EIF4G3: variants seen among roughly 807,000 people sequenced by gnomAD.
EIF4G3 encodes eukaryotic translation initiation factor 4 gamma 3, also known as eIF-4-gamma 3.
EIF4G3 carries 34 observed loss-of-function variants against 186.4 expected under a neutral mutation model. The observed-to-expected ratio is 0.18, with a 90% confidence interval of 0.14 to 0.24. The LOEUF is 0.24. EIF4G3 is among the 10% of genes least tolerant of loss of function. The pLI is 1.00. For synonymous variants in EIF4G3, 673 were observed against 679.5 expected, an observed-to-expected ratio of 0.99 and a Z score of 0.15; for missense variants, 1,536 against 1,948.5, an observed-to-expected ratio of 0.79 and a Z score of 3.99.
intron 20 of EIF4G3, 62 bp downstream of exon 20, chr1:20,879,261 T>G (rs1405273706): frequency 3.8e-6 from 5 of 1,307,252 alleles, no homozygotes; most frequent in Non-Finnish European, 5.1e-6. Context: ...GGGAAGAATG[T>G]GTAGTGAGGG....
intron 18 of EIF4G3, chr1:20,892,698 G>A: frequency 6.5e-7 from 1 of 1,535,980 alleles, no homozygotes; most frequent in Non-Finnish European, 8.7e-7. Context: ...TTCCAGAATT[G>A]GCAATCCATG....
At chr1:21,173,698 A>G (rs1234502673) in intron 2 of EIF4G3, among the ~76,000 whole-genome samples, 1 of 152,160 alleles carries the variant, frequency 6.6e-6, no homozygotes. Context: ...AAAAATAAAT[A>G]AATAAAACTG....
intron 2 of EIF4G3, among the ~76,000 whole-genome samples, chr1:21,168,410 T>TA (rs1558284265): frequency 9.0e-4 from 135 of 149,216 alleles, no homozygotes; most frequent in African/African-American, 3.4e-3. Flanking sequence ...TCTCAATTTT[T>TA]TAAAAAAAAA....
intron 12 of EIF4G3, among the ~76,000 whole-genome samples, chr1:20,953,230 GC>G: frequency 6.6e-6 from 1 of 152,198 alleles, no homozygotes; most frequent in Admixed American, 6.5e-5. Context: ...GCAAGTCTTC[GC>G]ACACTGTTGC....
intron 2 of EIF4G3, among the ~76,000 whole-genome samples, chr1:21,141,375 C>T (rs1353322510): frequency 9.2e-5 from 2 of 21,684 alleles, no homozygotes; most frequent in African/African-American, 1.2e-4. Context: ...AATATTTTTT[C>T]TTTGTGTGTG....
intron 12 of EIF4G3, among the ~76,000 whole-genome samples, chr1:20,953,710 G>A (rs2096303045): frequency 6.6e-6 from 1 of 152,126 alleles, no homozygotes; most frequent in African/African-American, 2.4e-5. Context: ...GTACAGAGGT[G>A]GTTATAGACA....
intron 18 of EIF4G3, among the ~76,000 whole-genome samples, chr1:20,887,219 ATT>A (rs11304302): frequency 8.8e-5 from 13 of 148,386 alleles, no homozygotes; most frequent in African/African-American, 9.9e-5. Context: ...CTGCCACCAG[ATT>A]TTTTTTTTTT....
intron 2 of EIF4G3, among the ~76,000 whole-genome samples, chr1:21,094,677 G>A (rs558913466): frequency 1.3e-5 from 2 of 150,574 alleles, no homozygotes; most frequent in East Asian, 2.0e-4. Context: ...TGTAAACGAC[G>A]AGTTAATGGG....
intron 3 of EIF4G3, among the ~76,000 whole-genome samples, chr1:21,070,426 T>C (rs1346033325): frequency 1.3e-5 from 2 of 152,166 alleles, no homozygotes; most frequent in South Asian, 2.1e-4. Flanking sequence ...GTAAAAATAA[T>C]AGCAACAACA....
At position 21,061,196 on chromosome 1, in the gene EIF4G3, GT is replaced by G. The variant is rs199565484; in HGVS notation, c.-195-10203del. On this transcript the variant is annotated intron_variant, in intron 3 of 36. Transcript: ENST00000602326. ...ATGCTTGGTACCAGAAGTATTTCAG[GT>G]TTTTTTTTTAATTTTTGAATATATG... is the stretch of plus-strand genomic sequence containing the variant. 2.5e-4 allele frequency among the ~76,000 whole-genome samples: 37 copies of G among 149,460 alleles called. No individual in the cohort carries two copies. In the East Asian group the frequency reaches 5.4e-3, roughly 22 times the overall value.
At chr1:20,917,697 T>A (rs2094039568) in intron 14 of EIF4G3, among the ~76,000 whole-genome samples, 2 of 152,190 alleles carry the variant, frequency 1.3e-5, no homozygotes, top group African/African-American at 4.8e-5. Context: ...ATTATAGTTA[T>A]CGTTTATATA....
intron 2 of EIF4G3, among the ~76,000 whole-genome samples, chr1:21,172,058 G>A (rs1293619468): frequency 2.2e-5 from 3 of 136,518 alleles, no homozygotes; most frequent in Non-Finnish European, 4.6e-5. Context: ...TTATGATACA[G>A]AAAATACTTT....
At chr1:20,839,241 T>A (rs1294742134) in intron 30 of EIF4G3, among the ~76,000 whole-genome samples, 1 of 152,072 alleles carries the variant, frequency 6.6e-6, no homozygotes, top group East Asian at 1.9e-4. Context: ...CCTCCCAAAG[T>A]GCTGGGATTA....
chr1:20,910,359 G>GCAGAT (rs1307580294), intron 14 of EIF4G3, among the ~76,000 whole-genome samples: 4 of 152,150 alleles, frequency 2.6e-5, no homozygotes, highest in Non-Finnish European at 5.9e-5. Context: ...GCCAAGGTGG[G>GCAGAT]CAGATCACAA....
intron 4 of EIF4G3, among the ~76,000 whole-genome samples, chr1:21,023,844 C>T (rs12096886): frequency 7.9e-6 from 1 of 126,266 alleles, no homozygotes; most frequent in Non-Finnish European, 1.7e-5. Flanking sequence ...ATCACATCTA[C>T]GAAGTGAGGA....
chr1:21,073,704 G>A (rs1419682920), intron 3 of EIF4G3: 4 of 505,158 alleles, frequency 7.9e-6, no homozygotes, highest in African/African-American at 1.9e-5. Flanking sequence ...AAGGGCTCAT[G>A]ACAGCCTAGT....
intron 12 of EIF4G3, among the ~76,000 whole-genome samples, chr1:20,962,156 G>A (rs1210761244): frequency 2.0e-5 from 3 of 152,096 alleles, no homozygotes; most frequent in African/African-American, 4.8e-5. Context: ...AACTACAGTT[G>A]ACCCTTGAAC....
intron 33 of EIF4G3, among the ~76,000 whole-genome samples, chr1:20,822,292 C>T (rs1461562629): frequency 6.8e-6 from 1 of 146,716 alleles, no homozygotes; most frequent in Non-Finnish European, 1.5e-5. Context: ...ACCTTCTTTT[C>T]AAACTTTTTT....
intron 6 of EIF4G3, among the ~76,000 whole-genome samples, chr1:21,000,817 T>C (rs1191762375): frequency 1.3e-5 from 2 of 152,106 alleles, no homozygotes; most frequent in African/African-American, 4.8e-5. Flanking sequence ...GAAGAGTTTA[T>C]GACCACAGAA....
Sources: allele counts gnomAD v4.1 joint callset (sites outside exome capture counted in the v4.1 genomes callset), GRCh38; gene constraint gnomAD v4.1.1; transcripts MANE v1.5; gene names NCBI Gene and HGNC (gene_info 2026-07-23, HGNC 2026-07-21).